USP9X: variants seen among roughly 807,000 people sequenced by gnomAD.
USP9X encodes ubiquitin carboxyl-terminal hydrolase 9X.
A neutral mutation model predicts 190.3 loss-of-function variants in USP9X; 7 were observed. The ratio of observed to expected loss-of-function variants is 0.04; its 90% CI spans 0.02 to 0.07. The LOEUF (loss-of-function observed/expected upper bound fraction) is 0.07. USP9X is among the 10% of genes least tolerant of loss of function. USP9X has a pLI of 1.00. For missense variants in USP9X, 1,010 were observed against 1,916.9 expected (o/e 0.53, Z 8.83); for synonymous variants, 645 against 659.5 (o/e 0.98, Z 0.34).
At chrX:41,154,093 A>T (rs2062555025) in intron 14 of USP9X, among the ~76,000 whole-genome samples, 1 of 111,486 alleles carries the variant, frequency 9.0e-6, no homozygotes, top group African/African-American at 3.3e-5. Flanking sequence ...CTCTTCTGAT[A>T]CTCCCAGTGA....
At chrX:41,215,372 A>T (rs2147243769) in intron 34 of USP9X, among the ~76,000 whole-genome samples, 1 of 112,647 alleles carries the variant, frequency 8.9e-6, no homozygotes, top group East Asian at 2.8e-4. Context: ...AAGTTTAAAG[A>T]TTGAGATTGT....
intron 41 of USP9X, among the ~76,000 whole-genome samples, chrX:41,225,676 A>G (rs2063306306): frequency 8.9e-6 from 1 of 112,367 alleles, no homozygotes; most frequent in Non-Finnish European, 1.9e-5. Context: ...CTCTGTTTAC[A>G]TTTTTATCAA....
chrX:41,223,656 C>T (rs1041661588), intron 39 of USP9X, among the ~76,000 whole-genome samples: 10 of 111,375 alleles, frequency 9.0e-5, no homozygotes, highest in African/African-American at 9.8e-5. Flanking sequence ...ATGCTGGTCT[C>T]GAACTCCTGA....
chrX:41,111,628 A>G (rs761509074), intron 1 of USP9X, among the ~76,000 whole-genome samples: 6 of 111,197 alleles, frequency 5.4e-5, no homozygotes, highest in Non-Finnish European at 1.1e-4. Flanking sequence ...GGAGCTGCTG[A>G]ATTAATATGG....
chrX:41,137,170 C>T (rs775695347), intron 6 of USP9X, 148 bp downstream of exon 6: 14 of 526,063 alleles, frequency 2.7e-5, no homozygotes, highest in African/African-American at 1.9e-4. Context: ...GTAGCTTTGT[C>T]GTTCTAGTTC....
At chrX:41,165,679 T>G (rs1386928505) in intron 15 of USP9X, among the ~76,000 whole-genome samples, 193 bp from the exon 16 acceptor site, 1 of 112,028 alleles carries the variant, frequency 8.9e-6, no homozygotes, top group African/African-American at 3.2e-5. Flanking sequence ...CTTGTTGAAT[T>G]AATTAATATC....
At chrX:41,131,113 A>G (rs2062310482) in intron 3 of USP9X, among the ~76,000 whole-genome samples, 1 of 111,043 alleles carries the variant, frequency 9.0e-6, no homozygotes, top group Non-Finnish European at 1.9e-5. Context: ...GAATCCTGAA[A>G]GAGCACTTCC....
intron 21 of USP9X, among the ~76,000 whole-genome samples, chrX:41,180,407 C>G (rs565301480): frequency 4.4e-5 from 5 of 112,692 alleles, no homozygotes; most frequent in African/African-American, 1.6e-4. Flanking sequence ...CGAGCATGAG[C>G]TCTTGTCAGA....
chrX:41,225,800 G>A (rs2063307415), intron 41 of USP9X, among the ~76,000 whole-genome samples: 1 of 112,842 alleles, frequency 8.9e-6, no homozygotes, highest in Non-Finnish European at 1.9e-5. Flanking sequence ...CTGAACTTAA[G>A]CTTCTCAATG....
chrX:41,211,042 A>G (rs1336263115), intron 33 of USP9X, among the ~76,000 whole-genome samples: 1 of 105,816 alleles, frequency 9.5e-6, no homozygotes, highest in Non-Finnish European at 1.9e-5. Context: ...CCTAGGCTGG[A>G]GTTCAGTGGC....
rs1212915349 is a variant in USP9X at position 41,207,146 on chromosome X, T to C, written c.5015+1653T>C. ...CTCTGTTGCCCAGGCTGAAGTGCAA[T>C]GGCTCGATCTCAGCTCACTGCAACC... On this transcript the variant is annotated intron_variant, in intron 32 of 44. Coordinates refer to ENST00000378308, the MANE Select transcript of USP9X (RefSeq NM_001039591.3). Among the ~76,000 whole-genome samples, 10 of 88,732 alleles carry C rather than the reference T, an allele frequency of 1.1e-4. No individual in the cohort carries two copies. The Admixed American group carries it at 1.5e-3, about 13-fold the overall frequency. 77.1% of individuals were successfully genotyped at this position (88,732 alleles called of 115,157 possible).
At chrX:41,108,599 C>T (rs940492700) in intron 1 of USP9X, among the ~76,000 whole-genome samples, 1 of 111,579 alleles carries the variant, frequency 9.0e-6, no homozygotes, top group Non-Finnish European at 1.9e-5. Context: ...TTTTCCAACA[C>T]ACCCTCAGGC....
intron 2 of USP9X, among the ~76,000 whole-genome samples, chrX:41,124,501 G>A (rs772493864): frequency 2.7e-5 from 3 of 111,906 alleles, no homozygotes; most frequent in African/African-American, 9.7e-5. Context: ...CTCAAGTGGT[G>A]TAGATGGTAA....
At chrX:41,158,583 A>G (rs1415903306) in intron 14 of USP9X, among the ~76,000 whole-genome samples, 2 of 111,774 alleles carry the variant, frequency 1.8e-5, no homozygotes, top group Non-Finnish European at 3.8e-5. Context: ...AAGACACCCT[A>G]AAGGAAGTAA....
intron 32 of USP9X, among the ~76,000 whole-genome samples, chrX:41,206,674 A>G (rs1238908685): frequency 9.0e-6 from 1 of 111,458 alleles, no homozygotes; most frequent in African/African-American, 3.3e-5. Flanking sequence ...AGGCAACGCT[A>G]CTTCATAGGG....
At chrX:41,124,373 G>A (rs2076763028) in intron 2 of USP9X, among the ~76,000 whole-genome samples, 1 of 110,690 alleles carries the variant, frequency 9.0e-6, no homozygotes, top group African/African-American at 3.3e-5. Flanking sequence ...TGAACCGGGA[G>A]GCAGAGGTTG....
In USP9X at chrX:41,168,060, C is replaced by T. The variant is rs779566608; in HGVS notation, c.2478C>T (p.Ser826=). The T allele has an allele frequency of 1.7e-6, 2 of 1,211,008 alleles. No homozygotes were observed. The highest frequency in any genetic ancestry group is 1.7e-5 in the African/African-American group (1 of 57,758). ...CTTGTTTTGATCGTCTGAAGGCTTC[C>T]TATGACACATTGTGTGTTTTGGATG... is the stretch of plus-strand genomic sequence containing the variant. ...IQSCFDRLKA[S]YDTLCVLDGD... Residue 826 remains serine (S), a synonymous_variant, in exon 18 of 45, where the codon TCC becomes TCT. Coordinates refer to ENST00000378308, the MANE Select transcript of USP9X (RefSeq NM_001039591.3).
chrX:41,225,710 T>C (rs1314136757), intron 41 of USP9X, among the ~76,000 whole-genome samples: 1 of 112,469 alleles, frequency 8.9e-6, no homozygotes, highest in Non-Finnish European at 1.9e-5. Flanking sequence ...AACCTTGTTG[T>C]ATGTGTGTTT....
At position 41,097,044 on chromosome X, in the gene USP9X, T is replaced by G. The variant is rs941478421; in HGVS notation, c.-159+10935T>G. 2.7e-5 allele frequency among the ~76,000 whole-genome samples: 3 copies of G among 111,569 alleles called. No individual in the cohort carries two copies. In the Admixed American group the frequency reaches 2.9e-4, roughly 11 times the overall value. ...TGTCTCCTCTCCCTTGTTTCTCCTG[T>G]GTGGTCTGAAGGGCTTTATTTTATT... On this transcript the variant is annotated intron_variant, in intron 1 of 44. Transcript: ENST00000378308.
Sources: gnomAD v4.1 joint callset for allele counts (sites outside exome capture counted in the v4.1 genomes callset) on GRCh38, gnomAD v4.1.1 for gene constraint, MANE v1.5 for transcripts, NCBI Gene and HGNC (gene_info 2026-07-23, HGNC 2026-07-21) for gene names.